Variants in KCNH5 observed in about 807,000 individuals in gnomAD.
KCNH5 encodes potassium voltage-gated channel subfamily H member 5.
Under a neutral mutation model 96.1 loss-of-function variants are expected in KCNH5, and 46 were observed. That is an observed-to-expected ratio of 0.48 (90% CI 0.38 to 0.61). The LOEUF (loss-of-function observed/expected upper bound fraction) is 0.61, where lower values mean the gene tolerates loss of function less well. Ranked by LOEUF, KCNH5 falls within the 20% of genes least tolerant of loss-of-function variation. The pLI, the probability that KCNH5 is intolerant of heterozygous loss-of-function variation, is 0.00. For missense variants in KCNH5, 907 were observed against 1,225.8 expected (o/e 0.74, Z 3.88); for synonymous variants, 439 against 449.8 (o/e 0.98, Z 0.30).
chr14:62,716,740 G>C (rs899348817), intron 10 of KCNH5, among the ~76,000 whole-genome samples: 1 of 152,162 alleles, frequency 6.6e-6, no homozygotes, highest in African/African-American at 2.4e-5. Context: ...TCAGCAAAGA[G>C]AGGCGCAGGT....
intron 10 of KCNH5, among the ~76,000 whole-genome samples, chr14:62,767,277 A>G (rs116025816): frequency 0.036 from 5,426 of 152,222 alleles, 177 homozygotes; most frequent in African/African-American, 0.094. Flanking sequence ...ATCTGTCAAA[A>G]AACTTAAAAC....
intron 2 of KCNH5, among the ~76,000 whole-genome samples, chr14:63,012,371 C>T (rs1891245374): frequency 6.6e-6 from 1 of 152,080 alleles, no homozygotes; most frequent in African/African-American, 2.4e-5. Flanking sequence ...TGAGACAATA[C>T]CTAGCACACA....
At chr14:62,931,781 C>T (rs1889585421) in intron 7 of KCNH5, among the ~76,000 whole-genome samples, 1 of 152,108 alleles carries the variant, frequency 6.6e-6, no homozygotes, top group Non-Finnish European at 1.5e-5. Flanking sequence ...CCTCCAGATG[C>T]CTTCCCTAAT....
rs1491423753 is a variant in KCNH5, at chr14:62,853,468, T to TG, written c.1370-3617_1370-3616insC. Among the ~76,000 whole-genome samples the TG allele has an allele frequency of 4.1e-4, 51 of 124,426 alleles. 2 individuals carry two copies. The highest frequency in any genetic ancestry group is 1.5e-3 in the African/African-American group (48 of 31,638). The allele number at this position is 124,426 out of a possible 152,430, so 81.6% of individuals were successfully genotyped here. Reference sequence around the variant, plus strand: ...CAAAAAGAATAATCATATATATATATATATATATATATCATATATATATAT... The same window carrying TG: ...CAAAAAGAATAATCATATATATATATGATATATATATATCATATATATATAT... On this transcript the variant is annotated intron_variant, in intron 7 of 10. Transcript: ENST00000322893.
At chr14:63,025,854 GA>G (rs139085820) in intron 1 of KCNH5, among the ~76,000 whole-genome samples, 7 of 149,478 alleles carry the variant, frequency 4.7e-5, no homozygotes, top group Non-Finnish European at 6.0e-5. Flanking sequence ...CACAGAAACA[GA>G]AAAAAAAAAT....
At chr14:62,786,254 T>C (rs1442467360) in intron 9 of KCNH5, among the ~76,000 whole-genome samples, 1 of 152,144 alleles carries the variant, frequency 6.6e-6, no homozygotes, top group Non-Finnish European at 1.5e-5. Flanking sequence ...AACTGCTAAC[T>C]AATATCCAAC....
intron 7 of KCNH5, among the ~76,000 whole-genome samples, chr14:62,906,988 T>C (rs1372569574): frequency 6.6e-6 from 1 of 152,254 alleles, no homozygotes; most frequent in Non-Finnish European, 1.5e-5. Flanking sequence ...TCCTGAATTC[T>C]TTGTAAAGAT....
rs1884354218 is a variant in KCNH5, at chr14:62,701,912, G to A, written c.*5596C>T. On this transcript the variant is annotated 3_prime_UTR_variant, in exon 11 of 11. Transcript: ENST00000322893. ...CATTTGGATAATGTATTTAATAGTGGTTTGGCCAAGAAGCCAACATCAGTG... is the reference window on the plus strand; with the variant it reads ...CATTTGGATAATGTATTTAATAGTGATTTGGCCAAGAAGCCAACATCAGTG... 6.6e-6 allele frequency: 1 copy of A among 151,966 alleles called. No individual in the cohort carries two copies. The highest frequency in any genetic ancestry group is 2.4e-5 in the African/African-American group (1 of 41,406). 9.4% of individuals were successfully genotyped at this position (151,966 alleles called of 1,614,324 possible). A position where few individuals can be genotyped will look rare whatever the true frequency, so the allele number is the denominator to read the frequency against.
intron 9 of KCNH5, 125 bp downstream of exon 9, chr14:62,802,204 G>T (rs1318330784): frequency 3.6e-6 from 3 of 841,486 alleles, no homozygotes; most frequent in Non-Finnish European, 5.6e-6. Flanking sequence ...TAAGATTCAC[G>T]TCTCATTAGT....
chr14:63,016,727 C>T, intron 2 of KCNH5, 104 bp downstream of exon 2: 2 of 1,075,476 alleles, frequency 1.9e-6, no homozygotes. Flanking sequence ...TAATTTTTAA[C>T]TCTATGGTTT....
At chr14:62,987,683 A>G (rs1890736117) in intron 4 of KCNH5, among the ~76,000 whole-genome samples, 1 of 152,206 alleles carries the variant, frequency 6.6e-6, no homozygotes, top group Non-Finnish European at 1.5e-5. Context: ...ACAAGGCCCA[A>G]GGGGATAGCA....
At chr14:63,027,527 G>A (rs1176645666) in intron 1 of KCNH5, among the ~76,000 whole-genome samples, 1 of 150,418 alleles carries the variant, frequency 6.6e-6, no homozygotes, top group Non-Finnish European at 1.5e-5. Context: ...GACTATGTGA[G>A]CAAATACTTT....
chr14:62,791,564 A>T (rs958619586), intron 9 of KCNH5, among the ~76,000 whole-genome samples: 1 of 151,726 alleles, frequency 6.6e-6, no homozygotes, highest in Non-Finnish European at 1.5e-5. Context: ...ACATGGGCTG[A>T]AAGTTAAAGA....
chr14:62,763,378 C>T (rs746801556), intron 10 of KCNH5, among the ~76,000 whole-genome samples: 6 of 151,570 alleles, frequency 4.0e-5, no homozygotes, highest in Admixed American at 6.6e-5. Flanking sequence ...CCGAATCTCA[C>T]GCCTAAGGCA....
intron 10 of KCNH5, among the ~76,000 whole-genome samples, chr14:62,740,526 G>A (rs1051935246): frequency 2.6e-5 from 4 of 152,018 alleles, no homozygotes; most frequent in Non-Finnish European, 4.4e-5. Context: ...ACGGCACTCC[G>A]AAAAACTTCC....
chr14:62,922,357 T>C (rs1763868268), intron 7 of KCNH5, among the ~76,000 whole-genome samples: 1 of 152,060 alleles, frequency 6.6e-6, no homozygotes. Flanking sequence ...TTACATTATA[T>C]AGTAGACATG....
chr14:62,902,316 G>A (rs1175019956), intron 7 of KCNH5, among the ~76,000 whole-genome samples: 2 of 144,980 alleles, frequency 1.4e-5, no homozygotes, highest in African/African-American at 5.0e-5. Context: ...GTGTTTCCTA[G>A]TTTTTTTTTT....
intron 7 of KCNH5, among the ~76,000 whole-genome samples, chr14:62,938,017 A>T (rs941828505): frequency 6.6e-6 from 1 of 152,206 alleles, no homozygotes; most frequent in African/African-American, 2.4e-5. Flanking sequence ...CCCATACCGA[A>T]GTCTCATCAG....
chr14:62,955,744 G>A (rs562093242), intron 6 of KCNH5, among the ~76,000 whole-genome samples: 81 of 152,268 alleles, frequency 5.3e-4, no homozygotes, highest in African/African-American at 1.9e-3. Flanking sequence ...CAATGGCCAC[G>A]CAGTAGGGGT....
Sources: gnomAD v4.1 joint callset for allele counts (sites outside exome capture counted in the v4.1 genomes callset) on GRCh38, gnomAD v4.1.1 for gene constraint, MANE v1.5 for transcripts, NCBI Gene and HGNC (gene_info 2026-07-23, HGNC 2026-07-21) for gene names.